The following LRRCC1 variants were observed in gnomAD, a reference collection of about 807,000 sequenced individuals.
LRRCC1 encodes the protein leucine rich repeat and coiled-coil centrosomal protein 1.
Under a neutral mutation model 126.0 loss-of-function variants are expected in LRRCC1, and 115 were observed. That is an observed-to-expected ratio of 0.91 (90% CI 0.78 to 1.07). LRRCC1 has a LOEUF of 1.07. Ranked by LOEUF, LRRCC1 falls within the 50% of genes least tolerant of loss-of-function variation. LRRCC1 has a pLI of 0.00. For missense variants in LRRCC1, 1,172 were observed against 1,175.7 expected (o/e 1.00, Z 0.05); for synonymous variants, 400 against 393.4 (o/e 1.02, Z -0.20).
chr8:85,120,433 A>G (rs1436205949), intron 6 of LRRCC1, among the ~76,000 whole-genome samples: 1 of 152,138 alleles, frequency 6.6e-6, no homozygotes, highest in East Asian at 1.9e-4. Context: ...CTCTGTTATT[A>G]AGCACATACA....
intron 6 of LRRCC1, among the ~76,000 whole-genome samples, chr8:85,115,949 CT>C (rs1809089325): frequency 2.0e-5 from 3 of 152,212 alleles, no homozygotes; most frequent in South Asian, 2.1e-4. Flanking sequence ...TCTACTATCT[CT>C]TCAGTGGTTT....
intron 12 of LRRCC1, 136 bp from the exon 13 acceptor site, chr8:85,134,711 C>T: frequency 1.7e-6 from 1 of 580,978 alleles, no homozygotes; most frequent in South Asian, 3.0e-5. Context: ...TCTGTTTCAT[C>T]ATCTGGAAAT....
At chr8:85,126,302 A>G (rs890085121) in intron 8 of LRRCC1, among the ~76,000 whole-genome samples, 4 of 152,154 alleles carry the variant, frequency 2.6e-5, no homozygotes, top group African/African-American at 9.7e-5. Context: ...CACACCTGTA[A>G]TCCCAACACT....
chr8:85,145,435 G>A lies in LRRCC1; in HGVS notation c.3023G>A (p.Cys1008Tyr). Reference sequence around the variant, plus strand: ...ATGCGTGAACTTTTGGAAGAAACATGCAAGAACAAAAAAACAATGGAAGCA... The same window carrying A: ...ATGCGTGAACTTTTGGAAGAAACATACAAGAACAAAAAAACAATGGAAGCA... ...KEMRELLEET[C>Y]KNKKTMEAKI... Residue 1008 changes from cysteine (C) to tyrosine (Y), a missense_variant, in exon 19 of 19, where the codon TGC (cysteine) becomes TAC (tyrosine). By Grantham distance (194) the Cys-to-Tyr change is radical. Transcript: ENST00000360375. 6.3e-7 allele frequency: 1 copy of A among 1,577,640 alleles called. No homozygotes were observed. Among genetic ancestry groups the A allele is most frequent in the South Asian group, 1.2e-5 (1 of 81,172 alleles).
In LRRCC1 at chr8:85,138,027, T is replaced by C. The variant is rs754269075; in HGVS notation, c.2494-8T>C. On this transcript the variant is annotated splice_region_variant and splice_polypyrimidine_tract_variant and intron_variant, in intron 15 of 18. Coordinates refer to ENST00000360375, the MANE Select transcript of LRRCC1 (RefSeq NM_033402.5). Reference sequence around the variant, plus strand: ...AATAAAAACAAAGTGCCAATTTTTTTCTTAAAGTGTTTACAAGAAAAAGAT... The same window carrying C: ...AATAAAAACAAAGTGCCAATTTTTTCCTTAAAGTGTTTACAAGAAAAAGAT... The C allele has an allele frequency of 6.8e-7, 1 of 1,476,264 alleles. No individual in the cohort carries two copies. The highest frequency in any genetic ancestry group is 1.4e-5 in the African/African-American group (1 of 70,286). The allele number at this position is 1,476,264 out of a possible 1,614,324, so 91.4% of individuals were successfully genotyped here.
chr8:85,122,942 G>A (rs1809681299), intron 6 of LRRCC1, among the ~76,000 whole-genome samples: 1 of 152,064 alleles, frequency 6.6e-6, no homozygotes, highest in African/African-American at 2.4e-5. Flanking sequence ...CATTTATTTT[G>A]TTCTTTGCTG....
chr8:85,132,070 T>C, intron 12 of LRRCC1, 109 bp downstream of exon 12: 1 of 854,262 alleles, frequency 1.2e-6, no homozygotes, highest in Non-Finnish European at 1.8e-6. Flanking sequence ...CTTCATAATC[T>C]TAAGTAAAAT....
rs759054049 is a variant in LRRCC1 at position 85,138,120 on chromosome 8, A to C, written c.2579A>C (p.Glu860Ala). ...IEKCTQEQLD[E>A]KSSQLDEVLE... is the part of the protein sequence containing the mutation. ...AAATGCACTCAAGAACAACTTGATG[A>C]AAAATCTTCACAACTGGATGAGGTA... is the stretch of plus-strand genomic sequence containing the variant. The change falls in exon 16 of 19, where the codon GAA becomes GCA. Residue 860 changes from glutamate to alanine, a missense_variant. Coordinates refer to ENST00000360375, the MANE Select transcript of LRRCC1 (RefSeq NM_033402.5). The C allele has an allele frequency of 6.2e-7, 1 of 1,608,350 alleles. No homozygotes were observed. Among genetic ancestry groups the C allele is most frequent in the Non-Finnish European group, 8.5e-7 (1 of 1,176,708 alleles).
chr8:85,107,322 G>A lies in LRRCC1; in HGVS notation c.27G>A (p.Ala9=), dbSNP rs1462455935. The stretch of plus-strand genomic sequence containing the variant: ...TGGAGGCGGCGGCGGCGGTGGTGGC[G>A]GCAGAGGCGGAAGTGGAAAACGAAG... MEAAAAVV[A]AEAEVENEDG... Residue 9 remains alanine (A), a synonymous_variant, in exon 1 of 19, where the codon GCG becomes GCA. Transcript: ENST00000360375. 7.4e-6 allele frequency: 12 copies of A among 1,613,036 alleles called. No homozygotes were observed. Among genetic ancestry groups the A allele is most frequent in the Non-Finnish European group, 9.3e-6 (11 of 1,179,648 alleles).
intron 18 of LRRCC1, among the ~76,000 whole-genome samples, chr8:85,144,997 G>C (rs900195426): frequency 2.7e-5 from 4 of 150,222 alleles, no homozygotes; most frequent in African/African-American, 4.9e-5. Flanking sequence ...GGAGAATAGC[G>C]TGAACCCAGG....
Position 85,143,140 on chromosome 8 carries a change from C to T in LRRCC1, c.2976+1623C>T, listed in dbSNP as rs1235329850. 4.6e-5 allele frequency among the ~76,000 whole-genome samples: 7 copies of T among 152,204 alleles called. No homozygotes were observed. The East Asian group carries it at 1.4e-3, about 30-fold the overall frequency. ...GGGAGTTCGAGACTAGCCTGACCAA[C>T]ATGGAGAAACCTCATCTCTACTAAA... On this transcript the variant is annotated intron_variant, in intron 18 of 18. Transcript: ENST00000360375.
At chr8:85,120,444 C>T (rs755179535) in intron 6 of LRRCC1, among the ~76,000 whole-genome samples, 1 of 152,186 alleles carries the variant, frequency 6.6e-6, no homozygotes, top group Non-Finnish European at 1.5e-5. Context: ...AGCACATACA[C>T]ATTTATGACT....
At chr8:85,109,935 C>A in intron 2 of LRRCC1, 135 bp downstream of exon 2, 1 of 622,628 alleles carries the variant, frequency 1.6e-6, no homozygotes. Flanking sequence ...AATATTTTCT[C>A]CAAAAAAGTG....
At chr8:85,109,870 GA>G in intron 2 of LRRCC1, 70 bp downstream of exon 2, 1 of 778,872 alleles carries the variant, frequency 1.3e-6, no homozygotes, top group Non-Finnish European at 2.0e-6. Context: ...TTCCCCAAAA[GA>G]ATGGAATAAA....
rs371883461 is a variant in LRRCC1 at position 85,113,052 on chromosome 8, T to G, written c.497T>G (p.Leu166Arg). 63 of 1,612,824 alleles carry G rather than the reference T, an allele frequency of 3.9e-5. No homozygotes were observed. The highest frequency in any genetic ancestry group is 5.2e-5 in the Non-Finnish European group (61 of 1,179,290). ...GTAGGATTGCACTTCCTGACCAATCTTATTTTGGAGAAAGATGGAGACGAT... is the reference window on the plus strand; with the variant it reads ...GTAGGATTGCACTTCCTGACCAATCGTATTTTGGAGAAAGATGGAGACGAT... ...CMVGLHFLTN[L>R]ILEKDGDDNP... The change falls in exon 4 of 19, where the codon CTT becomes CGT. Residue 166 changes from leucine to arginine, a missense_variant. Transcript: ENST00000360375.
intron 6 of LRRCC1, among the ~76,000 whole-genome samples, chr8:85,117,049 A>C (rs16913598): frequency 0.04 from 6,153 of 152,278 alleles, 149 homozygotes; most frequent in Non-Finnish European, 0.05. Flanking sequence ...TGACTCTTCT[A>C]CCAGTGAAAA....
chr8:85,145,117 G>GTGTGTATATATATATATA (rs1554679351), intron 18 of LRRCC1, among the ~76,000 whole-genome samples: 28 of 143,330 alleles, frequency 2.0e-4, no homozygotes, highest in African/African-American at 7.2e-4. Flanking sequence ...ATATATGTGT[G>GTGTGTATATATATATATA]TATATATATA....
chr8:85,140,178 G>C (rs1303954604), intron 17 of LRRCC1, among the ~76,000 whole-genome samples: 1 of 152,078 alleles, frequency 6.6e-6, no homozygotes, highest in East Asian at 1.9e-4. Flanking sequence ...ATGCAGACCT[G>C]ATTTTATACA....
intron 12 of LRRCC1, among the ~76,000 whole-genome samples, chr8:85,132,568 T>C (rs1422265108): frequency 2.0e-5 from 3 of 152,016 alleles, no homozygotes; most frequent in Non-Finnish European, 4.4e-5. Flanking sequence ...AATTTTTGTA[T>C]TTTTAGTAGA....
Sources: gnomAD v4.1 joint callset for allele counts (sites outside exome capture counted in the v4.1 genomes callset) on GRCh38, gnomAD v4.1.1 for gene constraint, MANE v1.5 for transcripts, NCBI Gene and HGNC (gene_info 2026-07-23, HGNC 2026-07-21) for gene names.